MYOZ2: variants seen among roughly 807,000 people sequenced by gnomAD.
MYOZ2 encodes the protein myozenin 2.
A neutral mutation model predicts 25.4 loss-of-function variants in MYOZ2; 19 were observed. That is an observed-to-expected ratio of 0.75 (90% confidence interval 0.52 to 1.10). The LOEUF (loss-of-function observed/expected upper bound fraction) is 1.10. MYOZ2 is among the 50% of genes least tolerant of loss of function. MYOZ2 has a pLI of 0.00. For missense variants in MYOZ2, 270 were observed against 317.9 expected, an observed-to-expected ratio of 0.85 and a Z score of 1.15; for synonymous variants, 92 against 106.9, an observed-to-expected ratio of 0.86 and a Z score of 0.86.
At chr4:119,146,033 CTTA>C (rs1239842265) in intron 2 of MYOZ2, among the ~76,000 whole-genome samples, 1 of 151,998 alleles carries the variant, frequency 6.6e-6, no homozygotes, top group Non-Finnish European at 1.5e-5. Flanking sequence ...TATTAATATT[CTTA>C]TTATCTGTTT....
rs569396861 is a variant in MYOZ2, at chr4:119,182,726, AG to A, written c.561-3238del. Among the ~76,000 whole-genome samples, 10 of 152,292 alleles carry A rather than the reference AG, an allele frequency of 6.6e-5. No homozygotes were observed. The South Asian group carries it at 2.1e-3, about 32-fold the overall frequency. On this transcript the variant is annotated intron_variant, in intron 5 of 5. Transcript: ENST00000307128. ...GATGACCTGACAGGAGGTGGAGCTC[AG>A]GTGGAAATGCTCACTCACCCTCCGC...
At chr4:119,156,174 G>C (rs12644226) in intron 3 of MYOZ2, among the ~76,000 whole-genome samples, 37,795 of 151,670 alleles carry the variant, frequency 0.25, 5,030 homozygotes, top group South Asian at 0.35. Context: ...AATAAGGGAA[G>C]GGGTGTTTTT....
chr4:119,142,282 T>C (rs768334257), intron 2 of MYOZ2, among the ~76,000 whole-genome samples: 4 of 152,230 alleles, frequency 2.6e-5, no homozygotes, highest in Non-Finnish European at 5.9e-5. Flanking sequence ...TTACAATGGA[T>C]ATAAATAACC....
At chr4:119,175,891 C>A (rs1359942103) in intron 5 of MYOZ2, among the ~76,000 whole-genome samples, 2 of 152,096 alleles carry the variant, frequency 1.3e-5, no homozygotes, top group African/African-American at 2.4e-5. Flanking sequence ...AATTTCTGAA[C>A]AAGGGGCATT....
intron 5 of MYOZ2, among the ~76,000 whole-genome samples, chr4:119,168,071 C>T (rs1741863831): frequency 6.6e-6 from 1 of 152,174 alleles, no homozygotes; most frequent in Non-Finnish European, 1.5e-5. Flanking sequence ...CTCCTGGGTT[C>T]ATGCCATTCT....
chr4:119,139,870 T>TTTTG (rs922027547), intron 2 of MYOZ2, among the ~76,000 whole-genome samples: 2 of 152,080 alleles, frequency 1.3e-5, no homozygotes, highest in African/African-American at 2.4e-5. Context: ...TTGGTACGTT[T>TTTTG]TTTGTTTGTT....
chr4:119,175,297 T>C (rs1008279912), intron 5 of MYOZ2, among the ~76,000 whole-genome samples: 1 of 152,204 alleles, frequency 6.6e-6, no homozygotes, highest in Non-Finnish European at 1.5e-5. Flanking sequence ...ACCCAAATAC[T>C]GTATTTTAGT....
At chr4:119,175,415 C>T (rs570859808) in intron 5 of MYOZ2, among the ~76,000 whole-genome samples, 3 of 152,166 alleles carry the variant, frequency 2.0e-5, no homozygotes, top group Admixed American at 2.0e-4. Flanking sequence ...TTGCTTAAAT[C>T]TAGAAATGTT....
intron 2 of MYOZ2, among the ~76,000 whole-genome samples, chr4:119,137,251 TC>T (rs1338472790): frequency 6.6e-6 from 1 of 152,172 alleles, no homozygotes; most frequent in Non-Finnish European, 1.5e-5. Flanking sequence ...TATTTCACTC[TC>T]TCCTTTTCTT....
intron 5 of MYOZ2, among the ~76,000 whole-genome samples, chr4:119,172,682 TGTTA>T (rs759818111): frequency 3.3e-5 from 5 of 152,206 alleles, no homozygotes; most frequent in Admixed American, 6.5e-5. Flanking sequence ...GTGGCTGATT[TGTTA>T]GTTCTGCAAG....
At chr4:119,182,774 G>A (rs995302627) in intron 5 of MYOZ2, among the ~76,000 whole-genome samples, 2 of 152,120 alleles carry the variant, frequency 1.3e-5, no homozygotes, top group Non-Finnish European at 2.9e-5. Flanking sequence ...TGTGTGACCT[G>A]GTTCCTAACA....
intron 2 of MYOZ2, among the ~76,000 whole-genome samples, chr4:119,141,921 C>G (rs1321262206): frequency 2.6e-5 from 4 of 152,086 alleles, no homozygotes; most frequent in Admixed American, 2.0e-4. Context: ...GCATTAGATT[C>G]CTTAACTCAC....
At chr4:119,157,718 A>G (rs978617187) in intron 3 of MYOZ2, among the ~76,000 whole-genome samples, 2 of 152,204 alleles carry the variant, frequency 1.3e-5, no homozygotes, top group Non-Finnish European at 2.9e-5. Context: ...GTCTGAACAG[A>G]AAATGAAATG....
At chr4:119,170,973 C>T (rs1183184923) in intron 5 of MYOZ2, among the ~76,000 whole-genome samples, 2 of 152,004 alleles carry the variant, frequency 1.3e-5, no homozygotes, top group African/African-American at 4.8e-5. Context: ...GTTGATTTTC[C>T]AACTGAAATG....
At chr4:119,175,767 AT>A (rs199852758) in intron 5 of MYOZ2, among the ~76,000 whole-genome samples, 4 of 150,014 alleles carry the variant, frequency 2.7e-5, no homozygotes, top group African/African-American at 7.4e-5. Flanking sequence ...AAAAAAAAAA[AT>A]TTTGAAGTAG....
rs1455418909 is a variant in MYOZ2, at chr4:119,187,493, G to A, written c.*1293G>A. 6.6e-6 allele frequency: 1 copy of A among 152,030 alleles called. No homozygotes were observed. Among genetic ancestry groups the A allele is most frequent in the Non-Finnish European group, 1.5e-5 (1 of 67,986 alleles). 9.4% of individuals were successfully genotyped at this position (152,030 alleles called of 1,614,324 possible). On this transcript the variant is annotated 3_prime_UTR_variant, in exon 6 of 6. Coordinates refer to ENST00000307128, the MANE Select transcript of MYOZ2 (RefSeq NM_016599.5). ...GTTTGTAGTGTGGAAGTTGGTGACT[G>A]TTTTAATCATCATCTAGACTTGTTA...
chr4:119,168,304 A>G (rs1358978345), intron 5 of MYOZ2, among the ~76,000 whole-genome samples: 1 of 152,178 alleles, frequency 6.6e-6, no homozygotes, highest in Non-Finnish European at 1.5e-5. Context: ...CACAACATCC[A>G]TTCTGTAGCC....
chr4:119,148,778 A>AAAAC (rs1561107859), intron 2 of MYOZ2, among the ~76,000 whole-genome samples: 1 of 140,818 alleles, frequency 7.1e-6, no homozygotes, highest in African/African-American at 2.5e-5. Context: ...GCAAAAAAAA[A>AAAAC]AAAAACCTTT....
chr4:119,142,291 C>T (rs1741173547), intron 2 of MYOZ2, among the ~76,000 whole-genome samples: 1 of 152,156 alleles, frequency 6.6e-6, no homozygotes. Context: ...ATATAAATAA[C>T]CTCAAGAGCG....
Sources: allele counts gnomAD v4.1 joint callset (sites outside exome capture counted in the v4.1 genomes callset), GRCh38; gene constraint gnomAD v4.1.1; transcripts MANE v1.5; gene names NCBI Gene and HGNC (gene_info 2026-07-23, HGNC 2026-07-21).